Variants in CHD1L observed in about 807,000 individuals in gnomAD.
CHD1L encodes the protein ATP-dependent chromatin remodeler CHD1L.
A neutral mutation model predicts 115.9 loss-of-function variants in CHD1L; 118 were observed. The observed-to-expected ratio is 1.02, with a 90% confidence interval of 0.88 to 1.19. The LOEUF is 1.19. CHD1L is among the 50% of genes most tolerant of loss of function. The pLI is 0.00. For synonymous variants in CHD1L, 411 were observed against 387.1 expected, an observed-to-expected ratio of 1.06 and a Z score of -0.72; for missense variants, 1,179 against 1,065.3, an observed-to-expected ratio of 1.11 and a Z score of -1.49.
At chr1:147,207,524 T>C in the CHD1L span, among the ~76,000 whole-genome samples, 1 of 152,220 alleles carries the variant, frequency 6.6e-6, no homozygotes, top group Non-Finnish European at 1.5e-5. Context: ...ATCTGTCCTC[T>C]TTCTTCTCAT....
At chr1:147,205,039 T>G in the CHD1L span, 2 of 690,962 alleles carry the variant, frequency 2.9e-6, no homozygotes, top group Non-Finnish European at 2.6e-6. Context: ...CTCTTCCATC[T>G]TTGCTATATA....
chr1:147,173,152 T>G, the CHD1L span: 1 of 152,692 alleles, frequency 6.5e-6, no homozygotes, highest in Non-Finnish European at 1.5e-5. Flanking sequence ...AATACAAAAA[T>G]TAGCTGGGCG....
At position 147,286,336 on chromosome 1, in the gene CHD1L, G is replaced by C. The variant is rs143929740; in HGVS notation, c.2057G>C (p.Cys686Ser). 42 of 1,613,986 alleles carry C rather than the reference G, an allele frequency of 2.6e-5. No individual in the cohort carries two copies. Among genetic ancestry groups the C allele is most frequent in the Non-Finnish European group, 3.1e-5 (37 of 1,180,030 alleles). Reference protein sequence around the residue: ...WWESNNYQSFCLPSEESEPED... With the variant: ...WWESNNYQSFSLPSEESEPED... ...GAATCCAACAATTACCAGTCCTTCTGCCTGCCCTCTGAGGAGAGCGAGCCA... is the reference window on the plus strand; with the variant it reads ...GAATCCAACAATTACCAGTCCTTCTCCCTGCCCTCTGAGGAGAGCGAGCCA... The change falls in exon 18 of 23, where the codon TGC becomes TCC. Residue 686 changes from cysteine (C) to serine (S), a missense_variant. Coordinates refer to ENST00000369258, the MANE Select transcript of CHD1L (RefSeq NM_004284.6).
chr1:147,291,605 T>C (rs1685558507), intron 20 of CHD1L, 53 bp downstream of exon 20: 8 of 1,425,426 alleles, frequency 5.6e-6, no homozygotes, highest in Non-Finnish European at 7.9e-6. Context: ...CATCAACTTC[T>C]CTTGAAGTGT....
chr1:147,212,395 GC>G, the CHD1L span: 1 of 1,613,898 alleles, frequency 6.2e-7, no homozygotes. Flanking sequence ...ATTCAAACCT[GC>G]TTGGCTGTTT....
chr1:147,224,507 CT>C, the CHD1L span, among the ~76,000 whole-genome samples: 1 of 151,986 alleles, frequency 6.6e-6, no homozygotes, highest in Admixed American at 6.6e-5. Context: ...GTTTAACTAT[CT>C]TTTTTTAATT....
At chr1:147,240,409 T>A (rs1553930472), upstream of CHD1L, among the ~76,000 whole-genome samples, 1 of 152,244 alleles carries the variant, frequency 6.6e-6, no homozygotes, top group Non-Finnish European at 1.5e-5. Context: ...CAGGGACCTC[T>A]GCCTAGGAAA....
upstream of CHD1L, among the ~76,000 whole-genome samples, chr1:147,240,004 T>C (rs1553930387): frequency 1.3e-5 from 2 of 152,314 alleles, no homozygotes; most frequent in South Asian, 2.1e-4. Context: ...CAGGTTTGTT[T>C]TGAGAAAACA....
intron 12 of CHD1L, among the ~76,000 whole-genome samples, chr1:147,274,195 AGT>A (rs1677381377): frequency 6.6e-6 from 1 of 152,220 alleles, no homozygotes; most frequent in Admixed American, 6.5e-5. Flanking sequence ...ACATCTATAA[AGT>A]GGGGAAAATC....
In CHD1L at chr1:147,284,389, A is replaced by C; in HGVS notation, c.1744A>C (p.Lys582Gln). 1 of 1,599,880 alleles carries C rather than the reference A, an allele frequency of 6.3e-7. No individual in the cohort carries two copies. Among genetic ancestry groups the C allele is most frequent in the Non-Finnish European group, 8.5e-7 (1 of 1,172,452 alleles). Residue 582 changes from lysine to glutamine, a missense_variant, in exon 16 of 23, where the codon AAA becomes CAA. Transcript: ENST00000369258. The stretch of plus-strand genomic sequence containing the variant: ...CTTATTTGAAGGTAAAGATTATTCT[A>C]AAGAGCCCAGTAAGGAAGACAGAAA... ...MYLFEGKDYS[K>Q]EPSKEDRKSF...
chr1:147,186,719 G>T, the CHD1L span: 2 of 1,424,746 alleles, frequency 1.4e-6, no homozygotes, highest in South Asian at 1.6e-5. Context: ...GAAGGGAGAT[G>T]AGTTAATACA....
chr1:147,289,887 A>T (rs1553968885), intron 19 of CHD1L, among the ~76,000 whole-genome samples: 1 of 152,120 alleles, frequency 6.6e-6, no homozygotes, highest in Non-Finnish European at 1.5e-5. Flanking sequence ...ATCATAGAAG[A>T]CGTCACATGA....
At chr1:147,191,198 C>G in the CHD1L span, among the ~76,000 whole-genome samples, 1 of 152,082 alleles carries the variant, frequency 6.6e-6, no homozygotes, top group Non-Finnish European at 1.5e-5. Flanking sequence ...GGTATATACC[C>G]AGTAATGGGA....
chr1:147,229,566 G>A, the CHD1L span, among the ~76,000 whole-genome samples: 1 of 152,186 alleles, frequency 6.6e-6, no homozygotes, highest in South Asian at 2.1e-4. Context: ...GTTGCTTGAT[G>A]GGGATGGCAT....
At chr1:147,186,885 G>A in the CHD1L span, 3 of 1,598,276 alleles carry the variant, frequency 1.9e-6, no homozygotes, top group Non-Finnish European at 2.6e-6. Context: ...AAACAGGGCA[G>A]TGACAATAGG....
chr1:147,241,433 G>T (rs767150524), upstream of CHD1L, among the ~76,000 whole-genome samples: 1 of 152,026 alleles, frequency 6.6e-6, no homozygotes, highest in African/African-American at 2.4e-5. Context: ...AACCCCCTTT[G>T]ACTGTAATTT....
chr1:147,283,091 A>G (rs12564260), intron 15 of CHD1L, among the ~76,000 whole-genome samples: 103,616 of 152,070 alleles, frequency 0.68, 35,403 homozygotes, highest in African/African-American at 0.71. Flanking sequence ...TTAAATGCCA[A>G]CATTTTTTTA....
At chr1:147,220,757 A>C in the CHD1L span, among the ~76,000 whole-genome samples, 1 of 152,154 alleles carries the variant, frequency 6.6e-6, no homozygotes, top group East Asian at 1.9e-4. Flanking sequence ...TATGGCTAGC[A>C]GTTATACCAG....
chr1:147,190,214 C>A, the CHD1L span: 1 of 1,611,586 alleles, frequency 6.2e-7, no homozygotes, highest in Non-Finnish European at 8.5e-7. Context: ...GATATTTCTG[C>A]CATCATTTCA....
Sources: allele counts gnomAD v4.1 joint callset (sites outside exome capture counted in the v4.1 genomes callset), GRCh38; gene constraint gnomAD v4.1.1; transcripts MANE v1.5; gene names NCBI Gene and HGNC (gene_info 2026-07-23, HGNC 2026-07-21).